The following ATG7 variants were observed in gnomAD, a reference collection of about 807,000 sequenced individuals.
ATG7 encodes the protein ubiquitin-like modifier-activating enzyme ATG7.
A neutral mutation model predicts 82.4 loss-of-function variants in ATG7; 70 were observed. That is an observed-to-expected ratio of 0.85 (90% confidence interval 0.70 to 1.04). The LOEUF is 1.04. Among genes scored for constraint, ATG7 ranks in the 50% least tolerant of loss-of-function variants. The pLI, the probability that ATG7 is intolerant of heterozygous loss-of-function variation, is 0.00. For synonymous variants in ATG7, 287 were observed against 313.0 expected, an observed-to-expected ratio of 0.92 and a Z score of 0.88; for missense variants, 792 against 864.3, an observed-to-expected ratio of 0.92 and a Z score of 1.05.
chr3:11,446,373 A>C, intron 20 of ATG7: 1 of 291,982 alleles, frequency 3.4e-6, no homozygotes, highest in Non-Finnish European at 6.6e-6. Flanking sequence ...TAAGTATGCC[A>C]GAGACTCTTT....
At chr3:11,552,994 A>G (rs956411717) in intron 20 of ATG7, among the ~76,000 whole-genome samples, 3 of 151,806 alleles carry the variant, frequency 2.0e-5, no homozygotes, top group African/African-American at 7.3e-5. Flanking sequence ...AACCCCAACC[A>G]CCCATTTGCA....
chr3:11,517,497 G>T (rs997771620), intron 20 of ATG7, among the ~76,000 whole-genome samples: 1 of 152,150 alleles, frequency 6.6e-6, no homozygotes, highest in Non-Finnish European at 1.5e-5. Flanking sequence ...CTGTCCTTAC[G>T]GATCTCTGGT....
intron 20 of ATG7, among the ~76,000 whole-genome samples, chr3:11,512,588 C>T (rs901821459): frequency 3.3e-5 from 5 of 152,166 alleles, no homozygotes; most frequent in Non-Finnish European, 5.9e-5. Context: ...GTTCTTAAAG[C>T]GGCACGTCTG....
chr3:11,575,140 G>C, the ATG7 span, among the ~76,000 whole-genome samples: 1 of 152,202 alleles, frequency 6.6e-6, no homozygotes, highest in Non-Finnish European at 1.5e-5. Context: ...GTGGCTGGCA[G>C]GTGGCAGAGT....
intron 20 of ATG7, among the ~76,000 whole-genome samples, chr3:11,467,669 C>T (rs2086978047): frequency 6.6e-6 from 1 of 152,188 alleles, no homozygotes; most frequent in Admixed American, 6.5e-5. Context: ...AGCCAATGCG[C>T]CTGGCCCTAT....
rs562799018 is a variant in ATG7, at chr3:11,499,041, C to T, written c.2080-55770C>T. On this transcript the variant is annotated intron_variant, in intron 20 of 20. Transcript: ENST00000693202. ...CCTAAAAAGAAAAAACAGTCCATAG[C>T]AGTTCCATTTATTAAGTAGTTAGGA... 8.5e-5 allele frequency among the ~76,000 whole-genome samples: 13 copies of T among 152,326 alleles called. No homozygotes were observed. In the East Asian group the frequency reaches 2.1e-3, roughly 25 times the overall value.
intron 9 of ATG7, among the ~76,000 whole-genome samples, chr3:11,316,059 TC>T (rs1291588574): frequency 1.3e-5 from 2 of 152,138 alleles, no homozygotes; most frequent in Non-Finnish European, 2.9e-5. Context: ...ATTTCCGTTT[TC>T]CCTCCTGATG....
intron 5 of ATG7, chr3:11,304,442 A>G (rs1423504885): frequency 6.6e-6 from 1 of 152,164 alleles, no homozygotes; most frequent in East Asian, 1.9e-4. Context: ...AAGTCAGGAG[A>G]TGACAAAGAA....
chr3:11,385,166 A>C (rs967990033), intron 19 of ATG7, among the ~76,000 whole-genome samples: 1 of 152,104 alleles, frequency 6.6e-6, no homozygotes. Flanking sequence ...GGGAGCTGGG[A>C]CTACAGGCGT....
At chr3:11,281,581 T>C (rs983106987) in intron 2 of ATG7, among the ~76,000 whole-genome samples, 2 of 152,160 alleles carry the variant, frequency 1.3e-5, no homozygotes, top group Non-Finnish European at 2.9e-5. Flanking sequence ...GAAACCAGCC[T>C]GGCCAATATA....
chr3:11,474,309 T>C (rs986666128), intron 20 of ATG7, among the ~76,000 whole-genome samples: 2 of 152,302 alleles, frequency 1.3e-5, no homozygotes, highest in South Asian at 2.1e-4. Flanking sequence ...GTGATTAAAA[T>C]AAAACAGAGG....
intron 20 of ATG7, among the ~76,000 whole-genome samples, chr3:11,497,142 C>T (rs867706303): frequency 2.0e-5 from 3 of 151,666 alleles, no homozygotes; most frequent in Admixed American, 6.6e-5. Context: ...TGAGCCCCCA[C>T]GCCCAGCCCC....
At chr3:11,381,000 T>G (rs1012794047) in intron 19 of ATG7, among the ~76,000 whole-genome samples, 1 of 152,208 alleles carries the variant, frequency 6.6e-6, no homozygotes, top group Non-Finnish European at 1.5e-5. Context: ...TCTCTAAAAA[T>G]TGAATGTAGA....
At position 11,488,342 on chromosome 3, in the gene ATG7, C is replaced by G. The variant is rs2089965472; in HGVS notation, c.2079+61416C>G. 1.3e-5 allele frequency: 7 copies of G among 532,786 alleles called. 1 individual carries two copies. The South Asian group carries it at 3.2e-4, about 25-fold the overall frequency. The allele number at this position is 532,786 out of a possible 1,614,324, so 33.0% of individuals were successfully genotyped here. On this transcript the variant is annotated intron_variant, in intron 20 of 20. Transcript: ENST00000693202. ...CCGCGGGGTCCGTCCGCTCCTCCAGCCGCTGCCTCCCGGGCGGCACTCGCC... is the reference window on the plus strand; with the variant it reads ...CCGCGGGGTCCGTCCGCTCCTCCAGGCGCTGCCTCCCGGGCGGCACTCGCC...
At chr3:11,386,653 T>TA (rs1213486792) in intron 19 of ATG7, among the ~76,000 whole-genome samples, 1 of 152,260 alleles carries the variant, frequency 6.6e-6, no homozygotes, top group African/African-American at 2.4e-5. Flanking sequence ...CCAAAAGGGA[T>TA]ATAAATCTCT....
chr3:11,385,415 CAT>C (rs749235778), intron 19 of ATG7, among the ~76,000 whole-genome samples: 22 of 152,230 alleles, frequency 1.4e-4, no homozygotes, highest in Admixed American at 9.8e-4. Flanking sequence ...AAAGGCAAAT[CAT>C]AGATTTGAAA....
the ATG7 span, among the ~76,000 whole-genome samples, chr3:11,568,239 C>T: frequency 2.0e-5 from 3 of 152,332 alleles, no homozygotes; most frequent in East Asian, 3.9e-4. This position sits in a 1 kb window ranked among gnomAD's most constrained non-coding sequence, Gnocchi z 5.9. Flanking sequence ...GCCCACCCCT[C>T]GCACCTTATG....
chr3:11,380,960 A>G (rs758352356), intron 19 of ATG7, among the ~76,000 whole-genome samples: 43 of 152,316 alleles, frequency 2.8e-4, no homozygotes, highest in Non-Finnish European at 5.6e-4. Flanking sequence ...CTTGGGCTAT[A>G]TTTTATGGGA....
chr3:11,453,417 C>T (rs78456022), intron 20 of ATG7, among the ~76,000 whole-genome samples: 5,700 of 152,234 alleles, frequency 0.037, 119 homozygotes, highest in African/African-American at 0.05. Context: ...GATTATTTCC[C>T]GCCGTGGCTG....
Sources: gnomAD v4.1 joint callset for allele counts (sites outside exome capture counted in the v4.1 genomes callset) on GRCh38, gnomAD v4.1.1 for gene constraint, Gnocchi (gnomAD v3.1) non-coding constraint, MANE v1.5 for transcripts, NCBI Gene and HGNC (gene_info 2026-07-23, HGNC 2026-07-21) for gene names.